ASTN1: variants seen among roughly 807,000 people sequenced by gnomAD.
ASTN1 encodes the protein astrotactin 1, also known as astrotactin-1.
A neutral mutation model predicts 140.7 loss-of-function variants in ASTN1; 41 were observed. The observed-to-expected ratio is 0.29, with a 90% CI of 0.23 to 0.38. ASTN1 has a LOEUF of 0.38. Among genes scored for constraint, ASTN1 ranks in the 10% least tolerant of loss-of-function variants. ASTN1 has a pLI of 1.00. For synonymous variants in ASTN1, 640 were observed against 652.2 expected, an observed-to-expected ratio of 0.98 and a Z score of 0.29; for missense variants, 1,479 against 1,678.8, an observed-to-expected ratio of 0.88 and a Z score of 2.08.
intron 11 of ASTN1, among the ~76,000 whole-genome samples, 198 bp downstream of exon 11, chr1:176,957,480 C>G (rs1250656985): frequency 6.6e-6 from 1 of 152,080 alleles, no homozygotes; most frequent in African/African-American, 2.4e-5. Context: ...ATAGTAGGTA[C>G]TCCATAACAA....
chr1:176,894,485 G>C, intron 17 of ASTN1, 77 bp downstream of exon 17: 1 of 1,538,744 alleles, frequency 6.5e-7, no homozygotes. Flanking sequence ...ACCACACCCT[G>C]TCACTTCCTC....
chr1:177,057,193 A>G (rs569078119), intron 2 of ASTN1, among the ~76,000 whole-genome samples: 1 of 152,028 alleles, frequency 6.6e-6, no homozygotes, highest in African/African-American at 2.4e-5. Context: ...AAATTTTAGG[A>G]TGTGATTGAA....
chr1:177,072,688 C>A (rs1348886810), intron 1 of ASTN1, among the ~76,000 whole-genome samples: 1 of 152,108 alleles, frequency 6.6e-6, no homozygotes, highest in African/African-American at 2.4e-5. Context: ...ACAAGCCCTC[C>A]AAACAAAATA....
intron 16 of ASTN1, among the ~76,000 whole-genome samples, chr1:176,906,924 A>G (rs1670030951): frequency 6.6e-6 from 1 of 151,936 alleles, no homozygotes. Context: ...TTCTTTCAGG[A>G]TAATTTTTGT....
intron 16 of ASTN1, among the ~76,000 whole-genome samples, chr1:176,895,412 T>C (rs892713752): frequency 6.6e-6 from 1 of 152,184 alleles, no homozygotes; most frequent in Non-Finnish European, 1.5e-5. Flanking sequence ...AGTTTATAGA[T>C]GAGGAAAATG....
At chr1:177,132,865 A>T (rs1436387047) in intron 1 of ASTN1, among the ~76,000 whole-genome samples, 1 of 152,178 alleles carries the variant, frequency 6.6e-6, no homozygotes, top group African/African-American at 2.4e-5. Flanking sequence ...AAGTAAAATG[A>T]TGTGTTAAGG....
At chr1:176,978,033 G>T (rs1001731802) in intron 8 of ASTN1, among the ~76,000 whole-genome samples, 5 of 152,196 alleles carry the variant, frequency 3.3e-5, no homozygotes, top group Admixed American at 6.5e-5. Flanking sequence ...CAGTCAGGAA[G>T]AGCTATTTTA....
intron 9 of ASTN1, among the ~76,000 whole-genome samples, chr1:176,960,093 A>G (rs992342572): frequency 1.3e-5 from 2 of 152,178 alleles, no homozygotes; most frequent in Admixed American, 6.5e-5. Context: ...TGGTAAGATT[A>G]AGGAGCCCAT....
chr1:176,936,407 T>A (rs1380276908), intron 14 of ASTN1, 37 bp from the exon 15 acceptor site: 8 of 1,539,346 alleles, frequency 5.2e-6, no homozygotes, highest in Admixed American at 5.0e-5. Flanking sequence ...GTTCTGATAC[T>A]GATTCATAAG....
At chr1:177,096,852 T>A (rs1465131016) in intron 1 of ASTN1, among the ~76,000 whole-genome samples, 1 of 152,146 alleles carries the variant, frequency 6.6e-6, no homozygotes, top group Non-Finnish European at 1.5e-5. Context: ...CATAGTAGTA[T>A]GAAAATGGAC....
intron 1 of ASTN1, among the ~76,000 whole-genome samples, chr1:177,087,712 C>T (rs1420465849): frequency 6.6e-6 from 1 of 152,212 alleles, no homozygotes; most frequent in Admixed American, 6.5e-5. Flanking sequence ...AACCCCAAAT[C>T]TTGCTGAAGC....
chr1:176,862,288 A>G lies in ASTN1; in HGVS notation c.*1996T>C, dbSNP rs1667995142. 1 of 985,302 alleles carries G rather than the reference A, an allele frequency of 1.0e-6. No homozygotes were observed. The highest frequency in any genetic ancestry group is 4.7e-5 in the South Asian group (1 of 21,290). 61.0% of individuals were successfully genotyped at this position (985,302 alleles called of 1,614,324 possible). A position where few individuals can be genotyped will look rare whatever the true frequency, so the allele number is the denominator to read the frequency against. ...TCCTTCAGTGTTTGGAAAGAAGGAG[A>G]GAGGAGAGTGAAACCACCCTGTGCT... On this transcript the variant is annotated 3_prime_UTR_variant, in exon 23 of 23. Transcript: ENST00000361833.
At chr1:176,873,094 C>T (rs16850282) in intron 21 of ASTN1, among the ~76,000 whole-genome samples, 26,521 of 152,100 alleles carry the variant, frequency 0.17, 3,192 homozygotes, top group African/African-American at 0.34. Flanking sequence ...TTCTTGAAAA[C>T]AGATTTTGAT....
intron 6 of ASTN1, 93 bp downstream of exon 6, chr1:177,024,490 G>A (rs1675998478): frequency 6.8e-7 from 1 of 1,477,204 alleles, no homozygotes; most frequent in Non-Finnish European, 9.3e-7. Flanking sequence ...AGAGTAATAG[G>A]TAACAGTGAC....
intron 1 of ASTN1, 51 bp from the exon 2 acceptor site, chr1:177,061,316 T>C: frequency 7.1e-7 from 1 of 1,414,868 alleles, no homozygotes; most frequent in Non-Finnish European, 9.3e-7. Context: ...GGGACCAAGT[T>C]TTTCATCTTC....
chr1:177,099,505 T>C (rs942708483), intron 1 of ASTN1, among the ~76,000 whole-genome samples: 2 of 152,168 alleles, frequency 1.3e-5, no homozygotes, highest in Non-Finnish European at 2.9e-5. Context: ...AGGGCTTCTG[T>C]TAACCTATTT....
intron 4 of ASTN1, among the ~76,000 whole-genome samples, chr1:177,030,248 G>T (rs1314692248): frequency 6.6e-6 from 1 of 152,156 alleles, no homozygotes; most frequent in Non-Finnish European, 1.5e-5. Flanking sequence ...GATAAACTCT[G>T]CTAACATTTC....
chr1:177,057,492 A>G (rs1677867252), intron 2 of ASTN1, among the ~76,000 whole-genome samples: 1 of 152,248 alleles, frequency 6.6e-6, no homozygotes, highest in African/African-American at 2.4e-5. Context: ...AAAAGTATAC[A>G]TACAAAATGA....
intron 8 of ASTN1, among the ~76,000 whole-genome samples, chr1:177,000,931 T>A (rs1273263087): frequency 6.6e-6 from 1 of 152,206 alleles, no homozygotes; most frequent in Non-Finnish European, 1.5e-5. Context: ...CACCTCTATG[T>A]GTCTAGAATT....
Sources: gnomAD v4.1 joint callset for allele counts (sites outside exome capture counted in the v4.1 genomes callset) on GRCh38, gnomAD v4.1.1 for gene constraint, MANE v1.5 for transcripts, NCBI Gene and HGNC (gene_info 2026-07-23, HGNC 2026-07-21) for gene names.